Variants in SLC25A48 observed in about 807,000 individuals in gnomAD.
SLC25A48 encodes solute carrier family 25 member 48, also known as CTC-321K16.1.
Under a neutral mutation model 32.2 loss-of-function variants are expected in SLC25A48, and 29 were observed. The ratio of observed to expected loss-of-function variants is 0.90; its 90% CI spans 0.67 to 1.23. The LOEUF (loss-of-function observed/expected upper bound fraction) is 1.23. Ranked by LOEUF, SLC25A48 falls within the 50% of genes most tolerant of loss-of-function variation. SLC25A48 has a pLI of 0.00. For missense variants in SLC25A48, 399 were observed against 422.7 expected (o/e 0.94, Z 0.49); for synonymous variants, 164 against 172.3 (o/e 0.95, Z 0.38).
intron 3 of SLC25A48, among the ~76,000 whole-genome samples, chr5:135,674,469 C>T (rs1232423347): frequency 6.6e-6 from 1 of 151,996 alleles, no homozygotes; most frequent in African/African-American, 2.4e-5. Context: ...TGGTATCTAT[C>T]ACTCTATTCT....
chr5:135,704,513 T>C (rs1210939337), intron 3 of SLC25A48, among the ~76,000 whole-genome samples: 1 of 152,208 alleles, frequency 6.6e-6, no homozygotes. Context: ...TCCAGATCAG[T>C]GCTATTTGGC....
intron 3 of SLC25A48, among the ~76,000 whole-genome samples, chr5:135,637,536 T>C (rs1752733641): frequency 1.3e-5 from 2 of 152,210 alleles, no homozygotes; most frequent in South Asian, 4.1e-4. Context: ...AACTCCTTAG[T>C]GTTTTCATGC....
intron 4 of SLC25A48, among the ~76,000 whole-genome samples, chr5:135,854,936 T>C (rs1291584731): frequency 6.6e-6 from 1 of 152,210 alleles, no homozygotes; most frequent in Non-Finnish European, 1.5e-5. Flanking sequence ...CATTGTAGAA[T>C]TACAAACTGG....
chr5:135,720,023 A>G (rs1754910776), intron 3 of SLC25A48, among the ~76,000 whole-genome samples: 1 of 152,134 alleles, frequency 6.6e-6, no homozygotes, highest in African/African-American at 2.4e-5. Context: ...TCTCCCCAAA[A>G]CCATTTGTTT....
chr5:135,590,319 G>A (rs1410090104), intron 1 of SLC25A48, among the ~76,000 whole-genome samples: 1 of 152,170 alleles, frequency 6.6e-6, no homozygotes, highest in African/African-American at 2.4e-5. Flanking sequence ...AAGCCTGCCT[G>A]GGTTGCAGTT....
rs182119969 is a variant in SLC25A48 at position 135,661,878 on chromosome 5, C to T, written c.-521+26922C>T. On this transcript the variant is annotated intron_variant, in intron 3 of 10. Transcript: ENST00000646290. Reference sequence around the variant, plus strand: ...TGGATATACCACAGTGTAGTTTACTCATGCTTCACAGATGAACGTTCAGTT... The same window carrying T: ...TGGATATACCACAGTGTAGTTTACTTATGCTTCACAGATGAACGTTCAGTT... Among the ~76,000 whole-genome samples the T allele has an allele frequency of 2.0e-5, 3 of 152,320 alleles. 1 individual carries two copies. The highest frequency in any genetic ancestry group is 2.0e-4 in the Admixed American group (3 of 15,306).
chr5:135,740,977 A>T (rs1434090163), intron 3 of SLC25A48, among the ~76,000 whole-genome samples: 3 of 152,232 alleles, frequency 2.0e-5, no homozygotes, highest in Non-Finnish European at 2.9e-5. Flanking sequence ...AGATAAAATC[A>T]TCATCCCTTC....
At chr5:135,668,674 C>G (rs1456252249) in intron 3 of SLC25A48, among the ~76,000 whole-genome samples, 1 of 152,224 alleles carries the variant, frequency 6.6e-6, no homozygotes, top group Non-Finnish European at 1.5e-5. Flanking sequence ...ACATCAATCA[C>G]AGCTGCCACC....
At chr5:135,802,069 T>C (rs1295882874) in intron 3 of SLC25A48, among the ~76,000 whole-genome samples, 2 of 151,744 alleles carry the variant, frequency 1.3e-5, no homozygotes, top group African/African-American at 4.8e-5. Context: ...TTGCAAGGGT[T>C]GTACACTCCC....
intron 1 of SLC25A48, among the ~76,000 whole-genome samples, chr5:135,603,430 C>T (rs1464278347): frequency 6.6e-6 from 1 of 152,268 alleles, no homozygotes; most frequent in Admixed American, 6.5e-5. Flanking sequence ...ACCATGCTGG[C>T]TTTGAGGAGT....
intron 2 of SLC25A48, among the ~76,000 whole-genome samples, chr5:135,630,745 G>T (rs1451160269): frequency 6.6e-6 from 1 of 151,842 alleles, no homozygotes; most frequent in Non-Finnish European, 1.5e-5. Context: ...GGGATTACAG[G>T]TGCCTGCCAC....
At chr5:135,596,975 T>C (rs1751669017) in intron 1 of SLC25A48, among the ~76,000 whole-genome samples, 1 of 152,172 alleles carries the variant, frequency 6.6e-6, no homozygotes, top group African/African-American at 2.4e-5. Flanking sequence ...TAAGCATGTC[T>C]ATGACTCAGT....
chr5:135,864,257 G>A (rs1429078105), intron 4 of SLC25A48, among the ~76,000 whole-genome samples: 1 of 152,194 alleles, frequency 6.6e-6, no homozygotes, highest in Non-Finnish European at 1.5e-5. Context: ...GTCATCAGCT[G>A]TACCTCTGAG....
At chr5:135,608,447 C>T (rs2126888758) in intron 1 of SLC25A48, among the ~76,000 whole-genome samples, 1 of 152,328 alleles carries the variant, frequency 6.6e-6, no homozygotes, top group South Asian at 2.1e-4. Context: ...GTTCTTTTCT[C>T]TCCATGAGCA....
At chr5:135,670,736 C>T (rs1387713766) in intron 3 of SLC25A48, among the ~76,000 whole-genome samples, 4 of 152,114 alleles carry the variant, frequency 2.6e-5, no homozygotes, top group African/African-American at 4.8e-5. Flanking sequence ...CAACGTTTTG[C>T]GAGTCTCCTG....
At chr5:135,752,629 A>C (rs767422923) in intron 3 of SLC25A48, among the ~76,000 whole-genome samples, 2 of 152,210 alleles carry the variant, frequency 1.3e-5, no homozygotes, top group Non-Finnish European at 2.9e-5. Flanking sequence ...TTGTACACAC[A>C]GTGTGATATT....
intron 3 of SLC25A48, among the ~76,000 whole-genome samples, chr5:135,752,621 G>A (rs1442903337): frequency 6.6e-6 from 1 of 152,030 alleles, no homozygotes; most frequent in Non-Finnish European, 1.5e-5. Context: ...CACACATTTT[G>A]TACACACAGT....
intron 3 of SLC25A48, among the ~76,000 whole-genome samples, chr5:135,768,631 C>A (rs1431672655): frequency 6.6e-6 from 1 of 151,242 alleles, no homozygotes; most frequent in Non-Finnish European, 1.5e-5. Flanking sequence ...GATTGTTGAC[C>A]CCCCTGTTAT....
intron 1 of SLC25A48, among the ~76,000 whole-genome samples, chr5:135,835,604 T>C (rs1332410820): frequency 6.6e-6 from 1 of 151,564 alleles, no homozygotes; most frequent in African/African-American, 2.4e-5. Flanking sequence ...CTTCTCCATT[T>C]TTCTTTCCAA....
Sources: allele counts gnomAD v4.1 joint callset (sites outside exome capture counted in the v4.1 genomes callset), GRCh38; gene constraint gnomAD v4.1.1; transcripts MANE v1.5; gene names NCBI Gene and HGNC (gene_info 2026-07-23, HGNC 2026-07-21).